Variants in THRAP3 observed in about 807,000 individuals in gnomAD.
THRAP3 encodes thyroid hormone receptor-associated protein 3.
THRAP3 carries 16 observed loss-of-function variants against 101.0 expected under a neutral mutation model. The ratio of observed to expected loss-of-function variants is 0.16; its 90% confidence interval spans 0.11 to 0.24. The LOEUF (loss-of-function observed/expected upper bound fraction) is 0.24. THRAP3 is among the 10% of genes least tolerant of loss of function. THRAP3 has a pLI of 1.00. For missense variants in THRAP3, 989 were observed against 1,202.7 expected (o/e 0.82, Z 2.63); for synonymous variants, 407 against 422.6 (o/e 0.96, Z 0.45).
At chr1:36,211,589 A>C in the THRAP3 span, among the ~76,000 whole-genome samples, 1 of 152,054 alleles carries the variant, frequency 6.6e-6, no homozygotes, top group Admixed American at 6.6e-5. Context: ...ATATCAAAAC[A>C]AGCTTAGTAA....
chr1:36,228,194 C>T (rs1288784939), intron 1 of THRAP3, among the ~76,000 whole-genome samples: 3 of 151,658 alleles, frequency 2.0e-5, no homozygotes, highest in Non-Finnish European at 2.9e-5. Context: ...ATTACAGGCG[C>T]CTGCCACCAT....
At chr1:36,217,608 C>T in the THRAP3 span, among the ~76,000 whole-genome samples, 1 of 152,044 alleles carries the variant, frequency 6.6e-6, no homozygotes, top group African/African-American at 2.4e-5. Flanking sequence ...TTTCCAAAGG[C>T]ATGTGCTCAC....
chr1:36,274,819 G>A lies in THRAP3; in HGVS notation c.-31-7714G>A, dbSNP rs1044013656. 4.0e-5 allele frequency among the ~76,000 whole-genome samples: 6 copies of A among 150,912 alleles called. No individual in the cohort carries two copies. The East Asian group carries it at 1.2e-3, about 30-fold the overall frequency. On this transcript the variant is annotated intron_variant, in intron 2 of 11. Coordinates refer to ENST00000354618, the MANE Select transcript of THRAP3 (RefSeq NM_005119.4). ...AGCTAATTTTTGTATTTTTAGTAGA[G>A]ACGGGGTTTCACCATGTTGGCCAGG...
At chr1:36,229,161 G>A (rs1005389011) in intron 1 of THRAP3, among the ~76,000 whole-genome samples, 4 of 151,922 alleles carry the variant, frequency 2.6e-5, no homozygotes, top group Admixed American at 6.6e-5. Flanking sequence ...GCAATGGTGC[G>A]ATCTTGGCTT....
chr1:36,289,079 A>G lies in THRAP3; in HGVS notation c.1060A>G (p.Thr354Ala). Residue 354 changes from threonine (T) to alanine (A), a missense_variant, in exon 5 of 12, where the codon ACA becomes GCA. Coordinates refer to ENST00000354618, the MANE Select transcript of THRAP3 (RefSeq NM_005119.4). ...AAATAGGTATCTAGAAGAGCAGAAG[A>G]CAGAGAATGGAAAAGATAAGGAACA... ...YTKRYLEEQKTENGKDKEQKQ... is the reference protein window; with the variant it reads ...YTKRYLEEQKAENGKDKEQKQ... 4 of 1,592,192 alleles carry G rather than the reference A, an allele frequency of 2.5e-6. No individual in the cohort carries two copies. Among genetic ancestry groups the G allele is most frequent in the Non-Finnish European group, 3.4e-6 (4 of 1,172,352 alleles).
At chr1:36,268,604 G>A (rs182946411) in intron 2 of THRAP3, among the ~76,000 whole-genome samples, 2 of 152,236 alleles carry the variant, frequency 1.3e-5, no homozygotes, top group African/African-American at 4.8e-5. Context: ...CTGGGCTCAA[G>A]CGATACTCCT....
chr1:36,218,128 G>A, the THRAP3 span, among the ~76,000 whole-genome samples: 1 of 152,056 alleles, frequency 6.6e-6, no homozygotes, highest in African/African-American at 2.4e-5. Flanking sequence ...ACTCTGGGAG[G>A]CCGAAGTGGG....
intron 3 of THRAP3, among the ~76,000 whole-genome samples, chr1:36,283,777 C>T (rs1645762969): frequency 6.6e-6 from 1 of 152,100 alleles, no homozygotes; most frequent in Non-Finnish European, 1.5e-5. Context: ...TTGATGATTT[C>T]CAGAGCCCTA....
intron 9 of THRAP3, among the ~76,000 whole-genome samples, chr1:36,297,751 A>G (rs1057026510): frequency 6.6e-6 from 1 of 150,898 alleles, no homozygotes; most frequent in African/African-American, 2.4e-5. Flanking sequence ...CCGCGTTTTT[A>G]TATCAGTTTT....
At chr1:36,245,167 C>CTTT (rs765561233) in intron 1 of THRAP3, among the ~76,000 whole-genome samples, 2 of 136,680 alleles carry the variant, frequency 1.5e-5, no homozygotes, top group Non-Finnish European at 3.2e-5. Flanking sequence ...CCATCCCAAT[C>CTTT]TTTTTTTTTT....
chr1:36,245,795 G>A (rs922696691), intron 1 of THRAP3, among the ~76,000 whole-genome samples: 5 of 152,114 alleles, frequency 3.3e-5, no homozygotes, highest in African/African-American at 1.2e-4. Flanking sequence ...CCCTTGAACA[G>A]TTATATTTGC....
chr1:36,245,012 G>C (rs1046164586), intron 1 of THRAP3, among the ~76,000 whole-genome samples: 1 of 151,952 alleles, frequency 6.6e-6, no homozygotes, highest in Non-Finnish European at 1.5e-5. Context: ...GAGCCACCAC[G>C]CCTGGCCAGA....
Position 36,287,191 on chromosome 1 carries a change from C to T in THRAP3, c.961C>T (p.Pro321Ser), listed in dbSNP as rs543492113. ...PSKKSPVGKS[P>S]PSTGSTYGSS... ...CAAAAAGAGCCCTGTGGGTAAGAGT[C>T]CACCATCCACTGGCTCCACATATGG... The change falls in exon 4 of 12, where the codon CCA becomes TCA. Residue 321 changes from proline to serine, a missense_variant. Pro to Ser is a moderately conservative substitution (Grantham distance 74). Coordinates refer to ENST00000354618, the MANE Select transcript of THRAP3 (RefSeq NM_005119.4). 15 of 1,614,156 alleles carry T rather than the reference C, an allele frequency of 9.3e-6. No individual in the cohort carries two copies. In the South Asian group the frequency reaches 9.9e-5, roughly 11 times the overall value.
At chr1:36,274,076 TCACACACA>T (rs763330875) in intron 2 of THRAP3, among the ~76,000 whole-genome samples, 12,564 of 44,458 alleles carry the variant, frequency 0.28, 1,062 homozygotes, top group Middle Eastern at 0.52. Flanking sequence ...TGTGTGTGTG[TCACACACA>T]CACACACACA....
chr1:36,271,502 C>G (rs963840324), intron 2 of THRAP3, among the ~76,000 whole-genome samples: 1 of 150,850 alleles, frequency 6.6e-6, no homozygotes, highest in African/African-American at 2.4e-5. Flanking sequence ...AGGCTAGTCT[C>G]GAACTCCTGA....
chr1:36,296,583 G>T lies in THRAP3; in HGVS notation c.2116G>T (p.Ala706Ser). The change falls in exon 9 of 12, where the codon GCT becomes TCT. Residue 706 changes from alanine to serine, a missense_variant and splice_region_variant. By Grantham distance (99) the Ala-to-Ser change is moderately conservative. Transcript: ENST00000354618. ...TTAATTTTGGCTTATCTTTTGATAG[G>T]CTGAGGGAAAATACAAAGATGATCC... is the stretch of plus-strand genomic sequence containing the variant. Reference protein sequence around the residue: ...MKSPREPGYKAEGKYKDDPVD... With the variant: ...MKSPREPGYKSEGKYKDDPVD... 6.5e-7 allele frequency: 1 copy of T among 1,545,572 alleles called. No homozygotes were observed. Among genetic ancestry groups the T allele is most frequent in the Non-Finnish European group, 8.7e-7 (1 of 1,152,224 alleles).
At chr1:36,232,454 A>G (rs1330394093) in intron 1 of THRAP3, among the ~76,000 whole-genome samples, 3 of 152,260 alleles carry the variant, frequency 2.0e-5, no homozygotes, top group South Asian at 4.1e-4. Context: ...CTCTTCAAAA[A>G]CTGTTGCTGT....
At chr1:36,301,742 C>G (rs1317704408) in intron 11 of THRAP3, 46 bp downstream of exon 11, 2 of 1,578,346 alleles carry the variant, frequency 1.3e-6, no homozygotes, top group South Asian at 2.3e-5. Context: ...GCCTTTGACA[C>G]ACAGAGTAGC....
intron 8 of THRAP3, among the ~76,000 whole-genome samples, chr1:36,295,849 A>T (rs921262473): frequency 6.6e-6 from 1 of 151,482 alleles, no homozygotes; most frequent in Admixed American, 6.6e-5. Flanking sequence ...ATGGGTGGAT[A>T]CTACAGTATA....
Sources: gnomAD v4.1 joint callset for allele counts (sites outside exome capture counted in the v4.1 genomes callset) on GRCh38, gnomAD v4.1.1 for gene constraint, MANE v1.5 for transcripts, NCBI Gene and HGNC (gene_info 2026-07-23, HGNC 2026-07-21) for gene names.